The following PAPPA2 variants were observed in gnomAD, a reference collection of about 807,000 sequenced individuals.
PAPPA2 encodes the protein pappalysin 2.
PAPPA2 carries 86 observed loss-of-function variants against 176.4 expected under a neutral mutation model. That is an observed-to-expected ratio of 0.49 (90% CI 0.41 to 0.58). The LOEUF is 0.58. Ranked by LOEUF, PAPPA2 falls within the 20% of genes least tolerant of loss-of-function variation. PAPPA2 has a pLI of 0.00. For synonymous variants in PAPPA2, 809 were observed against 852.2 expected, an observed-to-expected ratio of 0.95 and a Z score of 0.88; for missense variants, 2,073 against 2,256.9, an observed-to-expected ratio of 0.92 and a Z score of 1.65.
chr1:176,477,008 C>T (rs529668029), intron 1 of PAPPA2, among the ~76,000 whole-genome samples: 31 of 152,278 alleles, frequency 2.0e-4, no homozygotes, highest in African/African-American at 7.0e-4. Context: ...ACATGAGCCA[C>T]GGTCATCCTT....
At chr1:176,536,556 G>A (rs1460202362) in intron 1 of PAPPA2, among the ~76,000 whole-genome samples, 1 of 152,116 alleles carries the variant, frequency 6.6e-6, no homozygotes, top group African/African-American at 2.4e-5. Flanking sequence ...GGTTAGATTT[G>A]GTTACCTGTG....
chr1:176,606,471 A>G (rs114447794), intron 3 of PAPPA2, among the ~76,000 whole-genome samples: 2,375 of 152,148 alleles, frequency 0.016, 59 homozygotes, highest in African/African-American at 0.054. Flanking sequence ...AGAAGAGATG[A>G]GTTTCTTTTT....
chr1:176,572,103 G>C (rs1316068913), intron 2 of PAPPA2, among the ~76,000 whole-genome samples: 1 of 152,170 alleles, frequency 6.6e-6, no homozygotes, highest in Non-Finnish European at 1.5e-5. Flanking sequence ...ATTACACAGG[G>C]GCAGACTGAG....
chr1:176,673,235 C>A (rs981408706), intron 4 of PAPPA2, among the ~76,000 whole-genome samples: 7 of 152,094 alleles, frequency 4.6e-5, no homozygotes, highest in Non-Finnish European at 1.0e-4. Flanking sequence ...ACTGGAGACA[C>A]CTCTGTGCTT....
At chr1:176,694,807 T>C (rs1460626873) in intron 6 of PAPPA2, among the ~76,000 whole-genome samples, 1 of 152,210 alleles carries the variant, frequency 6.6e-6, no homozygotes, top group Non-Finnish European at 1.5e-5. Flanking sequence ...GGTCCAATCC[T>C]GTTGGAAATA....
intron 1 of PAPPA2, among the ~76,000 whole-genome samples, chr1:176,505,561 T>G (rs1208935010): frequency 1.3e-5 from 2 of 152,180 alleles, no homozygotes; most frequent in Admixed American, 6.5e-5. Context: ...AGGGCAGAAT[T>G]GCTGAGTTGC....
chr1:176,684,622 A>C (rs1659747877), intron 4 of PAPPA2, among the ~76,000 whole-genome samples: 1 of 152,162 alleles, frequency 6.6e-6, no homozygotes, highest in African/African-American at 2.4e-5. Context: ...ATAAGGAATG[A>C]TAAAAATTAA....
chr1:176,579,610 C>T (rs562589352), intron 2 of PAPPA2, among the ~76,000 whole-genome samples: 2 of 152,336 alleles, frequency 1.3e-5, no homozygotes, highest in African/African-American at 4.8e-5. Flanking sequence ...GTTAATGTCA[C>T]ACTCACCAGC....
intron 3 of PAPPA2, among the ~76,000 whole-genome samples, chr1:176,668,534 C>T (rs1658796817): frequency 6.6e-6 from 1 of 152,090 alleles, no homozygotes; most frequent in Admixed American, 6.5e-5. Flanking sequence ...GCCTATGAAC[C>T]AGATTCTGGT....
At chr1:176,589,553 C>G (rs747485196) in intron 2 of PAPPA2, among the ~76,000 whole-genome samples, 2 of 152,152 alleles carry the variant, frequency 1.3e-5, no homozygotes, top group Admixed American at 6.6e-5. Context: ...ATGATGTGGT[C>G]CAAATGTTTG....
rs753443382 is a variant in PAPPA2, at chr1:176,699,221, C to T, written c.2868C>T (p.Leu956=). 5.0e-6 allele frequency: 8 copies of T among 1,614,168 alleles called. No individual in the cohort carries two copies. In the South Asian group the frequency reaches 7.7e-5, roughly 16 times the overall value. Residue 956 remains leucine, a synonymous_variant, in exon 8 of 23, where the codon CTC becomes CTT. Transcript: ENST00000367662. ...CAGAAGGCTGTAGCTTGGAGCTGCT[C>T]TTCCAACACCCGGTCCAAGCCGACA... ...CPTEGCSLEL[L]FQHPVQADTL...
intron 1 of PAPPA2, among the ~76,000 whole-genome samples, chr1:176,540,941 T>C (rs1335437538): frequency 1.3e-5 from 2 of 152,146 alleles, no homozygotes; most frequent in Non-Finnish European, 2.9e-5. Context: ...GTAACCAACA[T>C]TTTTCAGTGA....
chr1:176,836,479 C>G (rs1268580050), intron 21 of PAPPA2, among the ~76,000 whole-genome samples: 1 of 152,196 alleles, frequency 6.6e-6, no homozygotes, highest in Non-Finnish European at 1.5e-5. Context: ...GTCTTGAGTT[C>G]TGTTGCAAGC....
chr1:176,513,216 T>A (rs952011156), intron 1 of PAPPA2, among the ~76,000 whole-genome samples: 1 of 152,148 alleles, frequency 6.6e-6, no homozygotes, highest in Non-Finnish European at 1.5e-5. Context: ...CTTCTACTGA[T>A]TCAGTTTCTC....
At chr1:176,719,681 C>A (rs1661534149) in intron 12 of PAPPA2, among the ~76,000 whole-genome samples, 1 of 152,264 alleles carries the variant, frequency 6.6e-6, no homozygotes, top group South Asian at 2.1e-4. Flanking sequence ...TCTTGAATGG[C>A]AGTAGAGTCA....
intron 2 of PAPPA2, among the ~76,000 whole-genome samples, chr1:176,571,033 A>G (rs1178993698): frequency 1.3e-5 from 2 of 151,924 alleles, no homozygotes; most frequent in Non-Finnish European, 2.9e-5. Context: ...GCTTCTGTGG[A>G]TCTCCATCAT....
At chr1:176,573,271 G>A (rs564980606) in intron 2 of PAPPA2, among the ~76,000 whole-genome samples, 3 of 152,200 alleles carry the variant, frequency 2.0e-5, no homozygotes, top group African/African-American at 7.2e-5. Context: ...GGAATTCCAA[G>A]CACATGAATT....
chr1:176,491,578 G>A (rs966016129), intron 1 of PAPPA2, among the ~76,000 whole-genome samples: 1 of 152,186 alleles, frequency 6.6e-6, no homozygotes, highest in African/African-American at 2.4e-5. Context: ...ACCAGATTGT[G>A]AAAGGTGATC....
intron 22 of PAPPA2, among the ~76,000 whole-genome samples, chr1:176,841,070 T>C (rs574362425): frequency 7.9e-5 from 12 of 152,318 alleles, no homozygotes; most frequent in East Asian, 1.9e-4. Flanking sequence ...TCACCACTTA[T>C]GTGAATTAAC....
Sources: allele counts gnomAD v4.1 joint callset (sites outside exome capture counted in the v4.1 genomes callset), GRCh38; gene constraint gnomAD v4.1.1; transcripts MANE v1.5; gene names NCBI Gene and HGNC (gene_info 2026-07-23, HGNC 2026-07-21).